The following BSDC1 variants were observed in gnomAD, a reference collection of about 807,000 sequenced individuals.
The protein encoded by BSDC1 is BSD domain-containing protein 1.
BSDC1 carries 29 observed loss-of-function variants against 56.0 expected under a neutral mutation model. The ratio of observed to expected loss-of-function variants is 0.52; its 90% CI spans 0.39 to 0.71. The LOEUF is 0.71. Ranked by LOEUF, BSDC1 falls within the 30% of genes least tolerant of loss-of-function variation. The pLI, the probability that BSDC1 is intolerant of heterozygous loss-of-function variation, is 0.00. For missense variants in BSDC1, 477 were observed against 548.5 expected (o/e 0.87, Z 1.30); for synonymous variants, 210 against 215.3 (o/e 0.98, Z 0.21).
intron 8 of BSDC1, 55 bp from the exon 9 acceptor site, chr1:32,376,796 G>A: frequency 1.5e-6 from 2 of 1,327,934 alleles, no homozygotes; most frequent in Non-Finnish European, 1.9e-6. Flanking sequence ...CCAGCCATAA[G>A]ACAACCTTGG....
intron 8 of BSDC1, among the ~76,000 whole-genome samples, chr1:32,376,970 T>C (rs1281386980): frequency 1.3e-5 from 2 of 152,058 alleles, no homozygotes; most frequent in Non-Finnish European, 2.9e-5. Flanking sequence ...CCATCTCTAC[T>C]AAAAATACAA....
intron 9 of BSDC1, among the ~76,000 whole-genome samples, chr1:32,376,046 G>A (rs1479558405): frequency 2.6e-5 from 4 of 152,196 alleles, no homozygotes; most frequent in Non-Finnish European, 5.9e-5. Flanking sequence ...TGACTCTTAA[G>A]ATGCCAACAA....
chr1:32,387,171 T>C (rs1386552181), intron 2 of BSDC1, among the ~76,000 whole-genome samples: 2 of 152,192 alleles, frequency 1.3e-5, no homozygotes, highest in African/African-American at 4.8e-5. Flanking sequence ...CATCTAGTTC[T>C]CAGTTTTCTC....
intron 9 of BSDC1, among the ~76,000 whole-genome samples, chr1:32,370,415 A>G (rs1642032064): frequency 6.6e-6 from 1 of 152,094 alleles, no homozygotes; most frequent in Admixed American, 6.5e-5. Flanking sequence ...TTGTTCTCTT[A>G]TGTATTTCAA....
Position 32,366,724 on chromosome 1 carries a change from T to A in BSDC1, c.1261-70A>T, listed in dbSNP as rs1641867519. ...TCCTGAGTCAGGCCCAGACCTAACC[T>A]CCACTTGCTGAGCAGAGCCACCTCC... On this transcript the variant is annotated intron_variant, in intron 10 of 10. Transcript: ENST00000455895. The A allele has an allele frequency of 1.0e-5, 15 of 1,442,424 alleles. No homozygotes were observed. In the South Asian group the frequency reaches 2.1e-4, roughly 20 times the overall value. The allele number at this position is 1,442,424 out of a possible 1,614,324, so 89.4% of individuals were successfully genotyped here. A position where few individuals can be genotyped will look rare whatever the true frequency, so the allele number is the denominator to read the frequency against.
At chr1:32,368,699 A>G (rs992597438) in intron 9 of BSDC1, 149 bp from the exon 10 acceptor site, 4 of 1,191,450 alleles carry the variant, frequency 3.4e-6, no homozygotes, top group Non-Finnish European at 4.5e-6. Context: ...CACCAATCGT[A>G]CTTTTTTTTT....
chr1:32,368,649 A>G, intron 9 of BSDC1, 99 bp from the exon 10 acceptor site: 1 of 1,508,306 alleles, frequency 6.6e-7, no homozygotes, highest in Non-Finnish European at 9.0e-7. Context: ...AAAGGGTCTC[A>G]CAAATACACA....
chr1:32,393,174 A>C (rs1002055568), intron 2 of BSDC1, among the ~76,000 whole-genome samples: 2 of 152,262 alleles, frequency 1.3e-5, no homozygotes, highest in African/African-American at 2.4e-5. Flanking sequence ...GGTAAATAGT[A>C]ATCAACTTTT....
chr1:32,382,325 T>C (rs1210499090), intron 4 of BSDC1, among the ~76,000 whole-genome samples: 2 of 151,204 alleles, frequency 1.3e-5, no homozygotes, highest in Admixed American at 6.6e-5. Context: ...AAAAATTAGC[T>C]GAGCGTGGTG....
intron 9 of BSDC1, among the ~76,000 whole-genome samples, chr1:32,371,782 A>T (rs1221291768): frequency 6.6e-6 from 1 of 152,062 alleles, no homozygotes; most frequent in Non-Finnish European, 1.5e-5. Context: ...ATCCTGCATC[A>T]TCCTCTCTTC....
chr1:32,382,615 CT>C (rs1267897859), intron 4 of BSDC1, among the ~76,000 whole-genome samples: 1 of 150,396 alleles, frequency 6.6e-6, no homozygotes, highest in Admixed American at 6.6e-5. Flanking sequence ...AATCTCAGTA[CT>C]TTAGGGGGCT....
At chr1:32,373,425 G>A (rs1182435618) in intron 9 of BSDC1, among the ~76,000 whole-genome samples, 1 of 152,122 alleles carries the variant, frequency 6.6e-6, no homozygotes, top group African/African-American at 2.4e-5. Context: ...CCTATAATTT[G>A]TAACCCTCCA....
chr1:32,394,265 C>T, intron 1 of BSDC1, 125 bp from the exon 2 acceptor site: 1 of 1,556,232 alleles, frequency 6.4e-7, no homozygotes, highest in Non-Finnish European at 8.8e-7. Flanking sequence ...CCCACCCCCT[C>T]ACAATGCGAC....
At chr1:32,392,349 CA>C (rs936956545) in intron 2 of BSDC1, among the ~76,000 whole-genome samples, 1 of 151,824 alleles carries the variant, frequency 6.6e-6, no homozygotes, top group Non-Finnish European at 1.5e-5. Flanking sequence ...AAACAAAAAA[CA>C]AAAAACACTT....
At chr1:32,388,238 G>A (rs1274477294) in intron 2 of BSDC1, among the ~76,000 whole-genome samples, 1 of 152,154 alleles carries the variant, frequency 6.6e-6, no homozygotes, top group Non-Finnish European at 1.5e-5. Context: ...CTTTTCATTA[G>A]CTTGGGAAGT....
At chr1:32,375,990 C>T (rs1464095920) in intron 9 of BSDC1, among the ~76,000 whole-genome samples, 1 of 152,074 alleles carries the variant, frequency 6.6e-6, no homozygotes, top group African/African-American at 2.4e-5. Context: ...AAATTAGGTG[C>T]CATATAACAT....
At chr1:32,370,037 G>C (rs1411209966) in intron 9 of BSDC1, among the ~76,000 whole-genome samples, 1 of 152,206 alleles carries the variant, frequency 6.6e-6, no homozygotes, top group Non-Finnish European at 1.5e-5. Context: ...GAGTGCAGTG[G>C]CGCGATCCTA....
Position 32,378,715 on chromosome 1 carries a change from G to A in BSDC1, c.528+9C>T, listed in dbSNP as rs1430677161. ...GAGCTGGCTGAGGCCCTGCAGGCTGGGCCCTCACCATCTTGGTGTAGAGGG... is the reference window on the plus strand; with the variant it reads ...GAGCTGGCTGAGGCCCTGCAGGCTGAGCCCTCACCATCTTGGTGTAGAGGG... On this transcript the variant is annotated intron_variant, in intron 6 of 10. Coordinates refer to ENST00000455895, the MANE Select transcript of BSDC1 (RefSeq NM_018045.8). This position sits in a 1 kb window ranked among gnomAD's most constrained non-coding sequence, Gnocchi z 5.2. 1 of 1,475,484 alleles carries A rather than the reference G, an allele frequency of 6.8e-7. No homozygotes were observed. The highest frequency in any genetic ancestry group is 2.6e-5 in the Admixed American group (1 of 38,496). The allele number at this position is 1,475,484 out of a possible 1,614,324, so 91.4% of individuals were successfully genotyped here. A position where few individuals can be genotyped will look rare whatever the true frequency, so the allele number is the denominator to read the frequency against.
chr1:32,386,129 C>A (rs750725102), intron 3 of BSDC1, among the ~76,000 whole-genome samples: 16 of 152,102 alleles, frequency 1.1e-4, no homozygotes, highest in Non-Finnish European at 2.1e-4. Flanking sequence ...ACCATCCTGG[C>A]TAACACGGTG....
Sources: allele counts gnomAD v4.1 joint callset (sites outside exome capture counted in the v4.1 genomes callset), GRCh38; gene constraint gnomAD v4.1.1; non-coding constraint Gnocchi (gnomAD v3.1); transcripts MANE v1.5; gene names NCBI Gene and HGNC (gene_info 2026-07-23, HGNC 2026-07-21).